The following NT5DC1 variants were observed in gnomAD, a reference collection of about 807,000 sequenced individuals.
The protein encoded by NT5DC1 is 5'-nucleotidase domain containing 1.
In NT5DC1, 42 loss-of-function variants were observed where a neutral mutation model predicts 59.4. The observed-to-expected ratio is 0.71, with a 90% CI of 0.55 to 0.92. NT5DC1 has a LOEUF of 0.92. Ranked by LOEUF, NT5DC1 falls within the 40% of genes least tolerant of loss-of-function variation. NT5DC1 has a pLI of 0.00. For synonymous variants in NT5DC1, 172 were observed against 188.1 expected (o/e 0.91, Z 0.70); for missense variants, 501 against 537.1 (o/e 0.93, Z 0.66).
intron 6 of NT5DC1, among the ~76,000 whole-genome samples, chr6:116,203,555 A>C (rs1013243752): frequency 5.3e-5 from 8 of 151,860 alleles, no homozygotes; most frequent in African/African-American, 1.9e-4. Context: ...GTAATTCATT[A>C]ATTTTCATTG....
intron 6 of NT5DC1, among the ~76,000 whole-genome samples, chr6:116,168,213 CTCTT>C (rs1207423646): frequency 1.3e-5 from 2 of 150,964 alleles, no homozygotes; most frequent in Non-Finnish European, 3.0e-5. Context: ...TCTCTTTTCT[CTCTT>C]TCTGGGATTT....
chr6:116,135,848 T>TATAG (rs1554194616), intron 6 of NT5DC1, among the ~76,000 whole-genome samples: 1 of 105,598 alleles, frequency 9.5e-6, no homozygotes, highest in East Asian at 3.2e-4. Context: ...TATATATATA[T>TATAG]ATATATATAT....
intron 6 of NT5DC1, among the ~76,000 whole-genome samples, chr6:116,154,054 G>A (rs1301228892): frequency 6.9e-6 from 1 of 143,900 alleles, no homozygotes; most frequent in Non-Finnish European, 1.5e-5. Flanking sequence ...TTTTGAGACA[G>A]AGTCTGGTGA....
Position 116,170,076 on chromosome 6 carries a change from C to A in NT5DC1, c.530-50978C>A, listed in dbSNP as rs144492156. ...ATAAGCGACATTGTCCATAGCTAAT[C>A]CCTCTTTTCTTCAGTAGGAAGACAA... is the stretch of plus-strand genomic sequence containing the variant. On this transcript the variant is annotated intron_variant, in intron 6 of 11. Coordinates refer to ENST00000319550, the MANE Select transcript of NT5DC1 (RefSeq NM_152729.3). 8.9e-4 allele frequency among the ~76,000 whole-genome samples: 136 copies of A among 152,242 alleles called. No individual in the cohort carries two copies. In the Middle Eastern group the frequency reaches 0.014, roughly 15 times the overall value.
At chr6:116,148,081 G>C (rs1779944634) in intron 6 of NT5DC1, among the ~76,000 whole-genome samples, 1 of 152,036 alleles carries the variant, frequency 6.6e-6, no homozygotes, top group South Asian at 2.1e-4. Flanking sequence ...GTATAGAATA[G>C]AGTAGATGGT....
rs186740349 is a variant in NT5DC1 at position 116,131,434 on chromosome 6, A to G, written c.529+13489A>G. Among the ~76,000 whole-genome samples, 398 of 152,292 alleles carry G rather than the reference A, an allele frequency of 2.6e-3. 10 individuals are homozygous for G. The South Asian group carries it at 0.044, about 17-fold the overall frequency. On this transcript the variant is annotated intron_variant, in intron 6 of 11. Transcript: ENST00000319550. The stretch of plus-strand genomic sequence containing the variant: ...ATATCCCTCCCAACTTCTTAAGTAA[A>G]TGGCATCACAGTGTACATACTTTAT...
intron 6 of NT5DC1, 53 bp from the exon 7 acceptor site, chr6:116,220,997 ATATT>A (rs1781787432): frequency 6.2e-6 from 5 of 810,664 alleles, no homozygotes; most frequent in Non-Finnish European, 1.0e-5. Context: ...GTTAGAGAAT[ATATT>A]TAGTCAAAAA....
chr6:116,176,290 G>T (rs1780733145), intron 6 of NT5DC1, among the ~76,000 whole-genome samples: 1 of 152,126 alleles, frequency 6.6e-6, no homozygotes, highest in Non-Finnish European at 1.5e-5. Flanking sequence ...CACAGAGAGG[G>T]TATAGCACCA....
chr6:116,142,781 C>G (rs1270947935), intron 6 of NT5DC1, among the ~76,000 whole-genome samples: 1 of 152,182 alleles, frequency 6.6e-6, no homozygotes, highest in African/African-American at 2.4e-5. Context: ...TGTGAACTGT[C>G]TGGCTCAGAC....
chr6:116,139,697 C>G (rs184767996), intron 6 of NT5DC1, among the ~76,000 whole-genome samples: 1 of 152,124 alleles, frequency 6.6e-6, no homozygotes, highest in Admixed American at 6.6e-5. Flanking sequence ...ATGTTATGAG[C>G]TATGGTTCTT....
intron 1 of NT5DC1, among the ~76,000 whole-genome samples, 168 bp downstream of exon 1, chr6:116,101,191 T>G (rs954527323): frequency 6.6e-6 from 1 of 152,150 alleles, no homozygotes; most frequent in Admixed American, 6.5e-5. Flanking sequence ...GTGTGCAGCC[T>G]CCGCTCCGCG....
At chr6:116,120,973 G>A in intron 6 of NT5DC1, 1 of 1,613,902 alleles carries the variant, frequency 6.2e-7, no homozygotes, top group South Asian at 1.1e-5. Context: ...CTGACCCAGG[G>A]GAACCCCTTT....
chr6:116,236,932 T>C, intron 8 of NT5DC1, 34 bp from the exon 9 acceptor site: 1 of 1,383,944 alleles, frequency 7.2e-7, no homozygotes, highest in Non-Finnish European at 1.0e-6. Context: ...CTCACTTGAT[T>C]AAAAAGTATA....
chr6:116,197,626 T>C (rs1196937140), intron 6 of NT5DC1, among the ~76,000 whole-genome samples: 1 of 152,060 alleles, frequency 6.6e-6, no homozygotes, highest in Admixed American at 6.6e-5. Context: ...CTGTTAGAGA[T>C]TCAAATACCA....
chr6:116,163,520 TTAATC>T (rs1258874887), intron 6 of NT5DC1, among the ~76,000 whole-genome samples: 1 of 152,142 alleles, frequency 6.6e-6, no homozygotes, highest in African/African-American at 2.4e-5. Flanking sequence ...TTTTTCTTGT[TTAATC>T]TAGTTAGTAG....
At chr6:116,175,028 A>T (rs1409324790) in intron 6 of NT5DC1, among the ~76,000 whole-genome samples, 2 of 152,188 alleles carry the variant, frequency 1.3e-5, no homozygotes, top group African/African-American at 4.8e-5. Flanking sequence ...CATGAACAGG[A>T]TTATCTACTC....
In NT5DC1 at chr6:116,120,842, C is replaced by T. The variant is rs973165347; in HGVS notation, c.529+2897C>T. On this transcript the variant is annotated intron_variant, in intron 6 of 11. Coordinates refer to ENST00000319550, the MANE Select transcript of NT5DC1 (RefSeq NM_152729.3). Reference sequence around the variant, plus strand: ...GGGCATTCCCTTTGCTCCTGCTGGGCCCACAGGGCCTGGGAGACCAGGAGG... The same window carrying T: ...GGGCATTCCCTTTGCTCCTGCTGGGTCCACAGGGCCTGGGAGACCAGGAGG... The T allele has an allele frequency of 4.3e-6, 7 of 1,613,928 alleles. No homozygotes were observed. The African/African-American group carries it at 9.3e-5, about 22-fold the overall frequency.
At chr6:116,158,435 A>T (rs990571223) in intron 6 of NT5DC1, among the ~76,000 whole-genome samples, 2 of 152,350 alleles carry the variant, frequency 1.3e-5, no homozygotes, top group East Asian at 3.9e-4. Context: ...AGTGAAGACA[A>T]GAAGATAAAA....
intron 6 of NT5DC1, among the ~76,000 whole-genome samples, chr6:116,205,123 G>A (rs1781425535): frequency 6.6e-6 from 1 of 151,880 alleles, no homozygotes; most frequent in Non-Finnish European, 1.5e-5. Flanking sequence ...TTTCTGGTTA[G>A]GCCGGTAAAA....
Sources: gnomAD v4.1 joint callset for allele counts (sites outside exome capture counted in the v4.1 genomes callset) on GRCh38, gnomAD v4.1.1 for gene constraint, MANE v1.5 for transcripts, NCBI Gene and HGNC (gene_info 2026-07-23, HGNC 2026-07-21) for gene names.